DLGAP4: variants seen among roughly 807,000 people sequenced by gnomAD.
DLGAP4 encodes the protein disks large-associated protein 4.
A neutral mutation model predicts 86.9 loss-of-function variants in DLGAP4; 18 were observed. That is an observed-to-expected ratio of 0.21 (90% CI 0.14 to 0.31). The LOEUF (loss-of-function observed/expected upper bound fraction) is 0.31. Among genes scored for constraint, DLGAP4 ranks in the 10% least tolerant of loss-of-function variants. The pLI, the probability that DLGAP4 is intolerant of heterozygous loss-of-function variation, is 1.00. For synonymous variants in DLGAP4, 548 were observed against 574.3 expected (o/e 0.95, Z 0.65); for missense variants, 1,085 against 1,362.6 (o/e 0.80, Z 3.21).
chr20:36,453,197 T>G (rs563723609), intron 7 of DLGAP4, among the ~76,000 whole-genome samples: 1 of 152,200 alleles, frequency 6.6e-6, no homozygotes, highest in Non-Finnish European at 1.5e-5. Context: ...GGTACAGTGC[T>G]GAGCACGGTG....
At chr20:36,511,086 A>G (rs1010270623) in intron 10 of DLGAP4, 5 of 152,266 alleles carry the variant, frequency 3.3e-5, no homozygotes, top group Admixed American at 6.5e-5. Flanking sequence ...TAACTAAAAT[A>G]TTGAATCTTC....
At chr20:36,355,469 G>A (rs1394229611) in intron 1 of DLGAP4, among the ~76,000 whole-genome samples, 4 of 151,866 alleles carry the variant, frequency 2.6e-5, no homozygotes, top group Non-Finnish European at 5.9e-5. Flanking sequence ...GCTAATTTTT[G>A]TGGTTTTCGT....
At chr20:36,516,438 G>T (rs1234740907) in intron 10 of DLGAP4, among the ~76,000 whole-genome samples, 1 of 151,960 alleles carries the variant, frequency 6.6e-6, no homozygotes, top group African/African-American at 2.4e-5. Flanking sequence ...AGCCGAGGTG[G>T]GTGGATTGCC....
chr20:36,392,375 T>TG (rs534428683), intron 2 of DLGAP4, among the ~76,000 whole-genome samples: 1 of 152,144 alleles, frequency 6.6e-6, no homozygotes, highest in Non-Finnish European at 1.5e-5. Flanking sequence ...TTGCTTGTTT[T>TG]GGGGGGTATT....
chr20:36,450,534 C>G (rs1166956007), intron 7 of DLGAP4, among the ~76,000 whole-genome samples: 5 of 152,032 alleles, frequency 3.3e-5, no homozygotes, highest in African/African-American at 1.2e-4. Flanking sequence ...ATTCTATGTT[C>G]CATGATCCAC....
rs74332763 is a variant in DLGAP4, at chr20:36,390,826, C to G, written c.-73+23551C>G. Among the ~76,000 whole-genome samples, 70 of 151,796 alleles carry G rather than the reference C, an allele frequency of 4.6e-4. No individual in the cohort carries two copies. In the East Asian group the frequency reaches 0.013, roughly 28 times the overall value. ...CAGACTAAGCCTTGGTCCCTGCCCC[C>G]AGACTGAGCCTTGACTTTGATCCCA... is the stretch of plus-strand genomic sequence containing the variant. On this transcript the variant is annotated intron_variant, in intron 2 of 12. Coordinates refer to ENST00000339266, the MANE Select transcript of DLGAP4 (RefSeq NM_001365621.2).
At chr20:36,320,514 C>A (rs2147344589) in intron 1 of DLGAP4, among the ~76,000 whole-genome samples, 1 of 152,258 alleles carries the variant, frequency 6.6e-6, no homozygotes, top group East Asian at 1.9e-4. Flanking sequence ...CTGGTTCTCC[C>A]CACGCTGCAG....
At chr20:36,462,727 G>A in intron 7 of DLGAP4, 1 of 1,297,450 alleles carries the variant, frequency 7.7e-7, no homozygotes, top group Non-Finnish European at 1.0e-6. Flanking sequence ...CTCCCACAAA[G>A]GGGGAAAGGA....
chr20:36,491,030 T>TA (rs757935259), intron 7 of DLGAP4, among the ~76,000 whole-genome samples: 4,133 of 101,404 alleles, frequency 0.041, 89 homozygotes, highest in Middle Eastern at 0.08. Context: ...CCATCTCTAC[T>TA]AAAAAAAAAA....
intron 8 of DLGAP4, chr20:36,497,398 C>T: frequency 8.6e-7 from 1 of 1,162,310 alleles, no homozygotes; most frequent in Non-Finnish European, 1.1e-6. Context: ...TTTGCCCTGC[C>T]AGCTGACCCG....
At chr20:36,388,532 T>C (rs115248271) in intron 2 of DLGAP4, among the ~76,000 whole-genome samples, 227 of 152,242 alleles carry the variant, frequency 1.5e-3, no homozygotes, top group African/African-American at 5.2e-3. Flanking sequence ...TAACCCCGGT[T>C]CCCTCTGATG....
At chr20:36,426,521 TC>T (rs930105182) in intron 2 of DLGAP4, among the ~76,000 whole-genome samples, 1 of 149,176 alleles carries the variant, frequency 6.7e-6, no homozygotes, top group African/African-American at 2.5e-5. Flanking sequence ...AGACTCTGTC[TC>T]AAAAAAAAAA....
At position 36,406,001 on chromosome 20, in the gene DLGAP4, G is replaced by A. The variant is rs2032307657; in HGVS notation, c.-72-25645G>A. 2.0e-5 allele frequency among the ~76,000 whole-genome samples: 3 copies of A among 152,180 alleles called. 1 individual carries two copies. The highest frequency in any genetic ancestry group is 7.2e-5 in the African/African-American group (3 of 41,452). On this transcript the variant is annotated intron_variant, in intron 2 of 12. Transcript: ENST00000339266. ...GAGTCTGGAGCTGCGGGCTCCAACT[G>A]CGGCATTTGCTGTTGGAAGCTAGGG... is the stretch of plus-strand genomic sequence containing the variant.
chr20:36,430,669 A>AC (rs1397630180), intron 2 of DLGAP4, among the ~76,000 whole-genome samples: 4 of 150,938 alleles, frequency 2.7e-5, no homozygotes, highest in African/African-American at 9.7e-5. Flanking sequence ...AAAAAAAAAA[A>AC]AAAGGCCAGG....
At position 36,393,234 on chromosome 20, in the gene DLGAP4, G is replaced by A. The variant is rs1258177130; in HGVS notation, c.-73+25959G>A. On this transcript the variant is annotated intron_variant, in intron 2 of 12. Transcript: ENST00000339266. The surrounding 1 kb of genome is among the most constrained non-coding windows in gnomAD (Gnocchi z 4.4). ...CCAGGGGATGAGGTGCATTGGGGAG[G>A]TGACTGAATGGGAACACAGACCTAA... Among the ~76,000 whole-genome samples, 1 of 152,050 alleles carries A rather than the reference G, an allele frequency of 6.6e-6. No individual in the cohort carries two copies. Among genetic ancestry groups the A allele is most frequent in the Non-Finnish European group, 1.5e-5 (1 of 68,008 alleles).
At chr20:36,312,839 C>T (rs1015901341) in intron 1 of DLGAP4, among the ~76,000 whole-genome samples, 1 of 152,044 alleles carries the variant, frequency 6.6e-6, no homozygotes. Context: ...GAGGTGGGTC[C>T]GGGAGGCTTT....
intron 10 of DLGAP4, among the ~76,000 whole-genome samples, chr20:36,523,089 T>C (rs867864856): frequency 2.0e-5 from 3 of 152,120 alleles, no homozygotes; most frequent in Non-Finnish European, 1.5e-5. Context: ...GCCAGTACTT[T>C]ATGATTTTTT....
At chr20:36,335,898 G>T (rs4073786) in intron 1 of DLGAP4, among the ~76,000 whole-genome samples, 65,318 of 151,892 alleles carry the variant, frequency 0.43, 14,687 homozygotes, top group East Asian at 0.58. Flanking sequence ...ATGACTTGTT[G>T]ACTCCCAGGG....
Position 36,344,007 on chromosome 20 carries a change from G to A in DLGAP4, c.-303-23038G>A, listed in dbSNP as rs1378557248. On this transcript the variant is annotated intron_variant, in intron 1 of 12. Transcript: ENST00000339266. ...GGCCATGGGGGTGCAGGGGAGTGCT[G>A]TTCACCTTGCCAGGGGAGCCTAGCA... 2.0e-5 allele frequency among the ~76,000 whole-genome samples: 3 copies of A among 152,208 alleles called. No homozygotes were observed. The East Asian group carries it at 5.8e-4, about 29-fold the overall frequency.
Sources: allele counts gnomAD v4.1 joint callset (sites outside exome capture counted in the v4.1 genomes callset), GRCh38; gene constraint gnomAD v4.1.1; non-coding constraint Gnocchi (gnomAD v3.1); transcripts MANE v1.5; gene names NCBI Gene and HGNC (gene_info 2026-07-23, HGNC 2026-07-21).